Variants in PGBD1 observed in about 807,000 individuals in gnomAD.
The protein encoded by PGBD1 is piggyBac transposable element-derived protein 1.
A neutral mutation model predicts 34.7 loss-of-function variants in PGBD1; 25 were observed. The ratio of observed to expected loss-of-function variants is 0.72; its 90% CI spans 0.52 to 1.00. PGBD1 has a LOEUF of 1.00. PGBD1 is among the 50% of genes least tolerant of loss of function. The pLI, the probability that PGBD1 is intolerant of heterozygous loss-of-function variation, is 0.00. For missense variants in PGBD1, 830 were observed against 959.4 expected (o/e 0.87, Z 1.78); for synonymous variants, 292 against 335.7 (o/e 0.87, Z 1.42).
Position 28,302,158 on chromosome 6 carries a change from T to C in PGBD1, c.2304T>C (p.Asp768=). 6.2e-7 allele frequency: 1 copy of C among 1,614,188 alleles called. No individual in the cohort carries two copies. Among genetic ancestry groups the C allele is most frequent in the Non-Finnish European group, 8.5e-7 (1 of 1,180,026 alleles). The change falls in exon 7 of 7, where the codon GAT becomes GAC. Residue 768 remains aspartate (D), a synonymous_variant. Coordinates refer to ENST00000682144, the MANE Select transcript of PGBD1 (RefSeq NM_032507.4). ...CAATTTTGGTGAGCTACATGATTGA[T>C]GTAGCCATGAACAATGCATGGCAAC... ...WYSILVSYMI[D]VAMNNAWQLH...
intron 4 of PGBD1, 79 bp from the exon 5 acceptor site, chr6:28,296,737 G>T (rs557379715): frequency 6.6e-7 from 1 of 1,515,766 alleles, no homozygotes; most frequent in Non-Finnish European, 9.0e-7. Flanking sequence ...GGTCTACAGC[G>T]TGGTATTCAA....
chr6:28,287,969 T>G (rs1396552601), intron 4 of PGBD1, among the ~76,000 whole-genome samples: 2 of 152,226 alleles, frequency 1.3e-5, no homozygotes, highest in African/African-American at 2.4e-5. Context: ...AAGTAGTGTT[T>G]CAAAATGCAA....
In PGBD1 at chr6:28,294,980, A is replaced by C. The variant is rs182002887; in HGVS notation, c.643-1836A>C. On this transcript the variant is annotated intron_variant, in intron 4 of 6. Transcript: ENST00000682144. ...AGATAGTGATGGATCTGGGCAAAGT[A>C]AATTAAAAACCTTCTGGAAAGGATT... 6.9e-3 allele frequency among the ~76,000 whole-genome samples: 1,054 copies of C among 152,348 alleles called. 28 individuals carry two copies. The highest frequency in any genetic ancestry group is 0.017 in the Middle Eastern group (5 of 294).
chr6:28,288,278 G>A (rs534733762), intron 4 of PGBD1, among the ~76,000 whole-genome samples: 1 of 152,318 alleles, frequency 6.6e-6, no homozygotes, highest in Admixed American at 6.5e-5. Flanking sequence ...ACCTGATTTG[G>A]AAACAGGCTC....
In PGBD1 at chr6:28,301,379, G is replaced by C; in HGVS notation, c.1525G>C (p.Asp509His). 1 of 1,614,170 alleles carries C rather than the reference G, an allele frequency of 6.2e-7. No individual in the cohort carries two copies. Among genetic ancestry groups the C allele is most frequent in the African/African-American group, 1.3e-5 (1 of 75,064 alleles). The change falls in exon 7 of 7, where the codon GAT (aspartate) becomes CAT (histidine). Residue 509 changes from aspartate to histidine, a missense_variant. By Grantham distance (81) the Asp-to-His change is moderately conservative. This residue lies in a region of PGBD1 where 372 missense variants were observed against 427.9 expected (regional missense o/e 0.87). Transcript: ENST00000682144. Reference sequence around the variant, plus strand: ...GATTTTCTCAAACCTGCACTTTGCAGATAATGGCCACCTAGATCAAAAAGA... The same window carrying C: ...GATTTTCTCAAACCTGCACTTTGCACATAATGGCCACCTAGATCAAAAAGA... ...ELIFSNLHFADNGHLDQKDKF... is the reference protein window; with the variant it reads ...ELIFSNLHFAHNGHLDQKDKF...
chr6:28,294,776 A>G (rs1416479939), intron 4 of PGBD1, among the ~76,000 whole-genome samples: 1 of 152,260 alleles, frequency 6.6e-6, no homozygotes, highest in Non-Finnish European at 1.5e-5. Context: ...GCTTATTCAC[A>G]GAGCACCTAG....
At position 28,296,991 on chromosome 6, in the gene PGBD1, C is replaced by G. The variant is rs367585086; in HGVS notation, c.772+46C>G. On this transcript the variant is annotated intron_variant, in intron 5 of 6. Transcript: ENST00000682144. ...GGACCCCTGTCTGGACTCTCATTTT[C>G]CTGTCACTCACCCTGGCTTGGCCCT... The G allele has an allele frequency of 5.6e-6, 9 of 1,609,588 alleles. No individual in the cohort carries two copies. The African/African-American group carries it at 9.4e-5, about 17-fold the overall frequency.
In PGBD1 at chr6:28,300,658, A is replaced by C; in HGVS notation, c.870-66A>C. On this transcript the variant is annotated intron_variant, in intron 6 of 6. Transcript: ENST00000682144. This position sits in a 1 kb window ranked among gnomAD's most constrained non-coding sequence, Gnocchi z 4.0. ...AGCCCCAAAAGATTTAAGCTTCAGC[A>C]GATTTATCATGTGTGAGAGAATATG... 1 of 1,498,240 alleles carries C rather than the reference A, an allele frequency of 6.7e-7. No homozygotes were observed. Among genetic ancestry groups the C allele is most frequent in the Non-Finnish European group, 9.0e-7 (1 of 1,115,892 alleles). The allele number at this position is 1,498,240 out of a possible 1,614,324, so 92.8% of individuals were successfully genotyped here.
chr6:28,297,845 T>TAAAAATAAAAAA, intron 5 of PGBD1, 50 bp from the exon 6 acceptor site: 7 of 283,628 alleles, frequency 2.5e-5, no homozygotes, highest in East Asian at 1.4e-4. Flanking sequence ...TTTTTTTTTT[T>TAAAAATAAAAAA]CAAAATTCAC....
In PGBD1 at chr6:28,298,011, A is replaced by G. The variant is rs2113756482; in HGVS notation, c.869+20A>G. On this transcript the variant is annotated intron_variant, in intron 6 of 6. Coordinates refer to ENST00000682144, the MANE Select transcript of PGBD1 (RefSeq NM_032507.4). ...CAACAGGTGAGTGTCCATGGTCCTC[A>G]GTGAATCAAATCCTGCAGATATAAG... is the stretch of plus-strand genomic sequence containing the variant. 1 of 1,489,904 alleles carries G rather than the reference A, an allele frequency of 6.7e-7. No homozygotes were observed. The highest frequency in any genetic ancestry group is 2.3e-5 in the East Asian group (1 of 44,272). The allele number at this position is 1,489,904 out of a possible 1,614,324, so 92.3% of individuals were successfully genotyped here.
Position 28,296,783 on chromosome 6 carries a change from C to A in PGBD1, c.643-33C>A. ...AACTGGATTCCTTACCATGTGAAAA[C>A]AAAGAGGCTATTTTCTTTTTTTGTC... On this transcript the variant is annotated intron_variant, in intron 4 of 6. Transcript: ENST00000682144. 3.1e-6 allele frequency: 5 copies of A among 1,612,150 alleles called. No individual in the cohort carries two copies. The African/African-American group carries it at 6.7e-5, about 22-fold the overall frequency.
At chr6:28,299,253 G>T (rs982467325) in intron 6 of PGBD1, among the ~76,000 whole-genome samples, 1 of 152,166 alleles carries the variant, frequency 6.6e-6, no homozygotes, top group African/African-American at 2.4e-5. Context: ...AAAGTGTGAA[G>T]GTAGGCTATT....
At chr6:28,285,730 T>C (rs746595623) in intron 3 of PGBD1, 23 bp downstream of exon 3, 38 of 1,605,326 alleles carry the variant, frequency 2.4e-5, no homozygotes, top group Non-Finnish European at 3.0e-5. Context: ...GTGAGTTTAG[T>C]GAGGACGCTG....
chr6:28,281,578 G>A lies in PGBD1; in HGVS notation c.-379G>A, dbSNP rs1411561708. The stretch of plus-strand genomic sequence containing the variant: ...GGCGCAGGGAGAAGCTTTTGTACCC[G>A]CCCAGCTGCTGGAGGCGCCGGCAGC... On this transcript the variant is annotated 5_prime_UTR_variant, in exon 1 of 7. Transcript: ENST00000682144. The A allele has an allele frequency of 7.7e-6, 3 of 389,364 alleles. No individual in the cohort carries two copies. Among genetic ancestry groups the A allele is most frequent in the East Asian group, 7.3e-5 (2 of 27,584 alleles). The allele number at this position is 389,364 out of a possible 1,614,324, so 24.1% of individuals were successfully genotyped here. A position where few individuals can be genotyped will look rare whatever the true frequency, so the allele number is the denominator to read the frequency against.
At chr6:28,290,068 T>C (rs1297324131) in intron 4 of PGBD1, among the ~76,000 whole-genome samples, 3 of 152,172 alleles carry the variant, frequency 2.0e-5, no homozygotes, top group Non-Finnish European at 1.5e-5. Flanking sequence ...AGGCATACTA[T>C]AAGAGAAAAT....
intron 1 of PGBD1, 81 bp downstream of exon 1, chr6:28,281,999 G>A (rs931180754): frequency 6.6e-6 from 1 of 152,262 alleles, no homozygotes; most frequent in African/African-American, 2.4e-5. Flanking sequence ...TTGGTGATCT[G>A]TAATACGAGA....
In PGBD1 at chr6:28,300,945, A is replaced by C. The variant is rs1224380453; in HGVS notation, c.1091A>C (p.Asp364Ala). Reference protein sequence around the residue: ...LQGLSFSGDSDVEKDNEPEIQ... With the variant: ...LQGLSFSGDSAVEKDNEPEIQ... ...GGCCTCTCATTCTCTGGTGACTCAG[A>C]TGTGGAAAAAGATAATGAGCCTGAG... The change falls in exon 7 of 7, where the codon GAT (aspartate) becomes GCT (alanine). Residue 364 changes from aspartate (D) to alanine (A), a missense_variant. Physicochemically the swap from Asp to Ala is moderately radical, Grantham distance 126. Transcript: ENST00000682144. This position sits in a 1 kb window ranked among gnomAD's most constrained non-coding sequence, Gnocchi z 4.0. The C allele has an allele frequency of 6.2e-7, 1 of 1,614,146 alleles. No homozygotes were observed. Among genetic ancestry groups the C allele is most frequent in the African/African-American group, 1.3e-5 (1 of 75,030 alleles).
At chr6:28,286,169 C>T (rs1258744447) in intron 3 of PGBD1, among the ~76,000 whole-genome samples, 1 of 152,104 alleles carries the variant, frequency 6.6e-6, no homozygotes, top group Non-Finnish European at 1.5e-5. Flanking sequence ...TTTATTCCTT[C>T]TAGAAATGCA....
At chr6:28,292,367 A>G (rs1359478132) in intron 4 of PGBD1, among the ~76,000 whole-genome samples, 1 of 152,028 alleles carries the variant, frequency 6.6e-6, no homozygotes, top group African/African-American at 2.4e-5. Flanking sequence ...GGGAATTTAA[A>G]TACTAAAAAT....
Sources: gnomAD v4.1 joint callset for allele counts (sites outside exome capture counted in the v4.1 genomes callset) on GRCh38, gnomAD v4.1.1 for gene constraint, gnomAD v4.1.1 regional missense constraint, Gnocchi (gnomAD v3.1) non-coding constraint, MANE v1.5 for transcripts, NCBI Gene and HGNC (gene_info 2026-07-23, HGNC 2026-07-21) for gene names.